The following MMP16 variants were observed in gnomAD, a reference collection of about 807,000 sequenced individuals.
MMP16 encodes the protein matrix metalloproteinase-16.
Under a neutral mutation model 67.8 loss-of-function variants are expected in MMP16, and 12 were observed. That is an observed-to-expected ratio of 0.18 (90% CI 0.11 to 0.29). The LOEUF (loss-of-function observed/expected upper bound fraction) is 0.29, where lower values mean the gene tolerates loss of function less well. MMP16 is among the 10% of genes least tolerant of loss of function. The pLI is 1.00. For missense variants in MMP16, 475 were observed against 765.7 expected (o/e 0.62, Z 4.48); for synonymous variants, 249 against 255.9 (o/e 0.97, Z 0.26).
intron 1 of MMP16, among the ~76,000 whole-genome samples, chr8:88,312,000 T>C (rs577699644): frequency 1.3e-5 from 2 of 152,210 alleles, no homozygotes; most frequent in East Asian, 1.9e-4. Flanking sequence ...AAACTGGGGA[T>C]TTGGTGCCCA....
intron 4 of MMP16, among the ~76,000 whole-genome samples, chr8:88,129,417 A>C (rs931643016): frequency 4.0e-5 from 6 of 151,790 alleles, no homozygotes; most frequent in Non-Finnish European, 7.4e-5. Flanking sequence ...AGAGATTAAA[A>C]ACTTATAAAC....
At chr8:88,300,431 T>G (rs769551418) in intron 1 of MMP16, among the ~76,000 whole-genome samples, 17 of 152,152 alleles carry the variant, frequency 1.1e-4, no homozygotes, top group Admixed American at 5.2e-4. Flanking sequence ...TCCCACTCCA[T>G]CAGCCCTGGA....
At chr8:88,206,381 G>T (rs1327898537) in intron 1 of MMP16, among the ~76,000 whole-genome samples, 1 of 152,158 alleles carries the variant, frequency 6.6e-6, no homozygotes, top group Non-Finnish European at 1.5e-5. Context: ...TTTGTGTGGA[G>T]ATTGCATGTT....
intron 1 of MMP16, among the ~76,000 whole-genome samples, chr8:88,247,162 T>G (rs1162036643): frequency 6.6e-6 from 1 of 152,126 alleles, no homozygotes; most frequent in Non-Finnish European, 1.5e-5. Flanking sequence ...CATTGTATCT[T>G]AAATCTTCAT....
intron 3 of MMP16, among the ~76,000 whole-genome samples, chr8:88,176,591 G>C (rs543726403): frequency 1.3e-5 from 2 of 152,168 alleles, no homozygotes; most frequent in Admixed American, 1.3e-4. Context: ...TTTTTGTATG[G>C]TAAGGGGTAG....
At chr8:88,242,139 A>T (rs1563571761) in intron 1 of MMP16, among the ~76,000 whole-genome samples, 1 of 152,230 alleles carries the variant, frequency 6.6e-6, no homozygotes, top group Non-Finnish European at 1.5e-5. Context: ...ATATACAACC[A>T]GCTCATCTGA....
intron 1 of MMP16, among the ~76,000 whole-genome samples, chr8:88,317,377 C>G (rs1467766601): frequency 6.6e-6 from 1 of 152,138 alleles, no homozygotes; most frequent in Non-Finnish European, 1.5e-5. Flanking sequence ...CCTCCAGCCA[C>G]AAAAAGAGGA....
At chr8:88,130,985 C>A (rs1379772257) in intron 4 of MMP16, among the ~76,000 whole-genome samples, 2 of 151,624 alleles carry the variant, frequency 1.3e-5, no homozygotes, top group Non-Finnish European at 2.9e-5. Flanking sequence ...GATTTCTTTT[C>A]CTTTTAATTA....
chr8:88,248,727 G>A (rs1317999554), intron 1 of MMP16, among the ~76,000 whole-genome samples: 4 of 150,982 alleles, frequency 2.6e-5, no homozygotes, highest in African/African-American at 4.9e-5. Context: ...ACTGGAAAAA[G>A]GAGTTGTCCT....
At chr8:88,073,791 T>C (rs1808601666) in intron 7 of MMP16, among the ~76,000 whole-genome samples, 1 of 152,140 alleles carries the variant, frequency 6.6e-6, no homozygotes, top group African/African-American at 2.4e-5. Flanking sequence ...CTTTCTTCAA[T>C]CTCTATTCCT....
At chr8:88,254,716 T>C (rs946046747) in intron 1 of MMP16, among the ~76,000 whole-genome samples, 1 of 152,102 alleles carries the variant, frequency 6.6e-6, no homozygotes, top group African/African-American at 2.4e-5. Flanking sequence ...CCTGAGAAAC[T>C]GTCATTATAG....
At chr8:88,281,026 T>C (rs1043427063) in intron 1 of MMP16, among the ~76,000 whole-genome samples, 1 of 152,058 alleles carries the variant, frequency 6.6e-6, no homozygotes, top group Non-Finnish European at 1.5e-5. Context: ...CACAAATTAA[T>C]AACGATGAAA....
At chr8:88,148,832 A>T (rs1808340899) in intron 4 of MMP16, among the ~76,000 whole-genome samples, 1 of 152,240 alleles carries the variant, frequency 6.6e-6, no homozygotes, top group Non-Finnish European at 1.5e-5. Flanking sequence ...AATCAGTATC[A>T]GAAATACGTG....
At chr8:88,277,405 A>G (rs1218391493) in intron 1 of MMP16, among the ~76,000 whole-genome samples, 1 of 152,190 alleles carries the variant, frequency 6.6e-6, no homozygotes, top group Non-Finnish European at 1.5e-5. Context: ...CAGGTGTGCT[A>G]TCAAGATGAA....
intron 4 of MMP16, among the ~76,000 whole-genome samples, chr8:88,135,035 C>G (rs1043891196): frequency 6.6e-6 from 1 of 151,516 alleles, no homozygotes; most frequent in Admixed American, 6.6e-5. Context: ...TATCTCACAA[C>G]TATTCCATTG....
intron 1 of MMP16, among the ~76,000 whole-genome samples, chr8:88,232,254 T>C (rs1809873945): frequency 6.6e-6 from 1 of 152,186 alleles, no homozygotes; most frequent in African/African-American, 2.4e-5. Context: ...CGGTTTTACA[T>C]CTTTAATTGC....
In MMP16 at chr8:88,116,668, G is replaced by A. The variant is rs1476208193; in HGVS notation, c.922C>T (p.Pro308Ser). ...PPTRPLPTVPPHRSIPPADPR... is the reference protein window; with the variant it reads ...PPTRPLPTVPSHRSIPPADPR... ...TCAGCCGGAGGAATAGAGCGGTGTG[G>A]GGGCACTGTCGGTAGAGGTCTTGTA... is the stretch of plus-strand genomic sequence containing the variant. Residue 308 changes from proline (P) to serine (S), a missense_variant, in exon 6 of 10, where the codon CCA (proline) becomes TCA (serine). Around this residue, in one of 5 missense-constraint regions of MMP16, gnomAD observed 195 missense variants for 300.9 expected, o/e 0.65. Transcript: ENST00000286614. 6.2e-7 allele frequency: 1 copy of A among 1,613,796 alleles called. No homozygotes were observed.
Position 88,327,175 on chromosome 8 carries a change from C to A in MMP16, c.32G>T (p.Arg11Leu). 1 of 1,614,108 alleles carries A rather than the reference C, an allele frequency of 6.2e-7. No homozygotes were observed. The change falls in exon 1 of 10, where the codon CGG becomes CTG. Residue 11 changes from arginine to leucine, a missense_variant. By Grantham distance (102) the Arg-to-Leu change is moderately radical (BLOSUM62 -2). Transcript: ENST00000286614. ...CCCCGAATGATGCACGAAATCCAAC[C>A]GTCTTCCAGTGCTGAATGTGAGTAA... MILLTFSTGR[R>L]LDFVHHSGVF...
At chr8:88,136,463 C>T (rs1808120553) in intron 4 of MMP16, among the ~76,000 whole-genome samples, 2 of 151,380 alleles carry the variant, frequency 1.3e-5, no homozygotes, top group South Asian at 4.2e-4. Flanking sequence ...AATTGAAAAC[C>T]CTATGTAATC....
Sources: gnomAD v4.1 joint callset for allele counts (sites outside exome capture counted in the v4.1 genomes callset) on GRCh38, gnomAD v4.1.1 for gene constraint, gnomAD v4.1.1 regional missense constraint, MANE v1.5 for transcripts, NCBI Gene and HGNC (gene_info 2026-07-23, HGNC 2026-07-21) for gene names.